The following AIRE variants were observed in gnomAD, a reference collection of about 807,000 sequenced individuals.
AIRE encodes autoimmune regulator, also known as autoimmune polyendocrinopathy candidiasis ectodermal dystrophy protein.
Under a neutral mutation model 62.1 loss-of-function variants are expected in AIRE, and 52 were observed. The observed-to-expected ratio is 0.84, with a 90% confidence interval of 0.67 to 1.06. The LOEUF (loss-of-function observed/expected upper bound fraction) is 1.06. Ranked by LOEUF, AIRE falls within the 50% of genes least tolerant of loss-of-function variation. AIRE has a pLI of 0.00. For missense variants in AIRE, 774 were observed against 755.8 expected (o/e 1.02, Z -0.28); for synonymous variants, 342 against 321.6 (o/e 1.06, Z -0.68).
rs139969357 is a variant in AIRE, at chr21:44,288,571, C to T, written c.652+113C>T. The T allele has an allele frequency of 5.3e-6, 4 of 755,758 alleles. No individual in the cohort carries two copies. The South Asian group carries it at 7.0e-5, about 13-fold the overall frequency. The allele number at this position is 755,758 out of a possible 1,614,324, so 46.8% of individuals were successfully genotyped here. A position where few individuals can be genotyped will look rare whatever the true frequency, so the allele number is the denominator to read the frequency against. On this transcript the variant is annotated intron_variant, in intron 5 of 13. Transcript: ENST00000291582. Reference sequence around the variant, plus strand: ...TCCCACAGCAGACCGGACTGTTGCTCAGGTAGCCAGAGTTTCTGCCTGTGG... The same window carrying T: ...TCCCACAGCAGACCGGACTGTTGCTTAGGTAGCCAGAGTTTCTGCCTGTGG...
At position 44,297,416 on chromosome 21, in the gene AIRE, C is replaced by T. The variant is rs368861261; in HGVS notation, c.1567-240C>T. 4.6e-5 allele frequency among the ~76,000 whole-genome samples: 7 copies of T among 152,108 alleles called. No individual in the cohort carries two copies. The highest frequency in any genetic ancestry group is 1.7e-4 in the African/African-American group (7 of 41,502). On this transcript the variant is annotated intron_variant, in intron 13 of 13. Transcript: ENST00000291582. The surrounding 1 kb of genome is among the most constrained non-coding windows in gnomAD (Gnocchi z 4.8). ...GGTGAAGTACACAGGACAGGGTCCTCGGTCTGGCCTGTGCCATGGGGACCT... is the reference window on the plus strand; with the variant it reads ...GGTGAAGTACACAGGACAGGGTCCTTGGTCTGGCCTGTGCCATGGGGACCT...
intron 13 of AIRE, 112 bp downstream of exon 13, chr21:44,296,557 C>A: frequency 1.9e-6 from 2 of 1,063,930 alleles, no homozygotes; most frequent in Non-Finnish European, 2.9e-6. Flanking sequence ...GCTCTTGAGC[C>A]GTGGAAACTC....
chr21:44,285,930 C>A lies in AIRE; in HGVS notation c.-77C>A, dbSNP rs150767556. On this transcript the variant is annotated 5_prime_UTR_variant, in exon 1 of 14. Coordinates refer to ENST00000291582, the MANE Select transcript of AIRE (RefSeq NM_000383.4). ...GGAGGCCCCACAGCCCCGCCGGGAC[C>A]CGAGGCCAAGCGAGGGGCTGCCAGT... The A allele has an allele frequency of 4.6e-3, 6,665 of 1,433,534 alleles. 278 individuals carry two copies. The African/African-American group carries it at 0.089, about 19-fold the overall frequency. The allele number at this position is 1,433,534 out of a possible 1,614,324, so 88.8% of individuals were successfully genotyped here. A position where few individuals can be genotyped will look rare whatever the true frequency, so the allele number is the denominator to read the frequency against.
At chr21:44,292,875 T>A in intron 9 of AIRE, 118 bp from the exon 10 acceptor site, 2 of 851,578 alleles carry the variant, frequency 2.3e-6, no homozygotes, top group Non-Finnish European at 3.9e-6. Context: ...GCCCCCACCA[T>A]GCCAGGCCTC....
At position 44,297,910 on chromosome 21, in the gene AIRE, C is replaced by T. The variant is rs184848378; in HGVS notation, c.*183C>T. 41 of 649,070 alleles carry T rather than the reference C, an allele frequency of 6.3e-5. No homozygotes were observed. The East Asian group carries it at 1.1e-3, about 17-fold the overall frequency. 40.2% of individuals were successfully genotyped at this position (649,070 alleles called of 1,614,324 possible). On this transcript the variant is annotated 3_prime_UTR_variant, in exon 14 of 14. Transcript: ENST00000291582. This position sits in a 1 kb window ranked among gnomAD's most constrained non-coding sequence, Gnocchi z 4.8. ...GCCATCATGTGCCTGGAAATTAAAC[C>T]CTGCCCCACTTCTCTACTCTGGAAG... is the stretch of plus-strand genomic sequence containing the variant.
Position 44,296,367 on chromosome 21 carries a change from C to A in AIRE, c.1504-16C>A. On this transcript the variant is annotated splice_polypyrimidine_tract_variant and intron_variant, in intron 12 of 13. Transcript: ENST00000291582. ...TGTGGGAGTTGGGCTGACCTCTTCT[C>A]TTTACTGGGTTCCAGGATGACACTG... 1 of 1,611,186 alleles carries A rather than the reference C, an allele frequency of 6.2e-7. No homozygotes were observed. Among genetic ancestry groups the A allele is most frequent in the Non-Finnish European group, 8.5e-7 (1 of 1,178,586 alleles).
At chr21:44,291,603 C>T (rs1036620905) in intron 8 of AIRE, among the ~76,000 whole-genome samples, 1 of 152,174 alleles carries the variant, frequency 6.6e-6, no homozygotes, top group African/African-American at 2.4e-5. Flanking sequence ...AGCTGTGCCC[C>T]CCAGGGCAGG....
At chr21:44,293,277 A>G in intron 10 of AIRE, 102 bp downstream of exon 10, 1 of 1,173,800 alleles carries the variant, frequency 8.5e-7, no homozygotes, top group Non-Finnish European at 1.1e-6. Context: ...CCAGGCGAGA[A>G]AGGCTCCGGG....
chr21:44,286,002 A>G lies in AIRE; in HGVS notation c.-5A>G. ...GCCCCAGCCCCGGGTCCCCGCGCCC[A>G]CCCCATGGCGACGGACGCGGCGCTA... On this transcript the variant is annotated 5_prime_UTR_variant, in exon 1 of 14. Transcript: ENST00000291582. The surrounding 1 kb of genome is among the most constrained non-coding windows in gnomAD (Gnocchi z 6.0). 1 of 1,527,822 alleles carries G rather than the reference A, an allele frequency of 6.5e-7. No homozygotes were observed. The highest frequency in any genetic ancestry group is 8.8e-7 in the Non-Finnish European group (1 of 1,142,472). The allele number at this position is 1,527,822 out of a possible 1,614,324, so 94.6% of individuals were successfully genotyped here.
At position 44,286,616 on chromosome 21, in the gene AIRE, C is replaced by A. The variant is rs2040484898; in HGVS notation, c.192C>A (p.Ser64=). 6.2e-7 allele frequency: 1 copy of A among 1,612,822 alleles called. No homozygotes were observed. The highest frequency in any genetic ancestry group is 8.5e-7 in the Non-Finnish European group (1 of 1,179,968). Residue 64 remains serine, a synonymous_variant, in exon 2 of 14, where the codon TCC becomes TCA. Transcript: ENST00000291582. This position sits in a 1 kb window ranked among gnomAD's most constrained non-coding sequence, Gnocchi z 6.0. ...CCCAGGCCTTCCACGCCCTCCTGTC[C>A]TGGCTGCTGACCCAGGACTCCACAG... ...GCPQAFHALL[S]WLLTQDSTAI... is the part of the protein sequence containing the mutation.
chr21:44,292,906 G>A (rs1388048622), intron 9 of AIRE, 87 bp from the exon 10 acceptor site: 2 of 1,321,612 alleles, frequency 1.5e-6, no homozygotes, highest in African/African-American at 1.5e-5. Flanking sequence ...CTGCTGCCCT[G>A]GGTTTCAGGG....
Position 44,297,292 on chromosome 21 carries a change from T to C in AIRE, c.1567-364T>C, listed in dbSNP as rs1414619897. On this transcript the variant is annotated intron_variant, in intron 13 of 13. Transcript: ENST00000291582. The surrounding 1 kb of genome is among the most constrained non-coding windows in gnomAD (Gnocchi z 4.8). ...GGGAGCATCAGGCTCCTGAGCAGAA[T>C]AAGTAGCTGGCCCCGACCCCCCCAC... is the stretch of plus-strand genomic sequence containing the variant. Among the ~76,000 whole-genome samples, 1 of 152,056 alleles carries C rather than the reference T, an allele frequency of 6.6e-6. No homozygotes were observed. The highest frequency in any genetic ancestry group is 1.5e-5 in the Non-Finnish European group (1 of 67,972).
At chr21:44,289,265 TC>T in intron 5 of AIRE, 1 of 226,372 alleles carries the variant, frequency 4.4e-6, no homozygotes, top group Non-Finnish European at 8.0e-6. Flanking sequence ...TGCTCCTTGT[TC>T]CTGGGCTCAG....
chr21:44,294,426 T>C lies in AIRE; in HGVS notation c.1426T>C (p.Ser476Pro), dbSNP rs2040584363. The C allele has an allele frequency of 1.9e-6, 3 of 1,578,026 alleles. No individual in the cohort carries two copies. Among genetic ancestry groups the C allele is most frequent in the Admixed American group, 1.7e-5 (1 of 57,282 alleles). The part of the protein sequence containing the change: ...PGTGLRCRSC[S>P]GDVTPAPVEG... ...GACGGGCCTGCGCTGCAGATCCTGC[T>C]CAGGAGACGTGACCCCAGCCCCTGT... is the stretch of plus-strand genomic sequence containing the variant. The change falls in exon 12 of 14, where the codon TCA becomes CCA. Residue 476 changes from serine to proline, a missense_variant. By Grantham distance (74) the Ser-to-Pro change is moderately conservative (BLOSUM62 -1). This residue lies in a region of AIRE where 354 missense variants were observed against 296.1 expected (regional missense o/e 1.20). Coordinates refer to ENST00000291582, the MANE Select transcript of AIRE (RefSeq NM_000383.4).
At chr21:44,292,520 G>T (rs1211581210) in intron 9 of AIRE, 119 bp downstream of exon 9, 2 of 709,698 alleles carry the variant, frequency 2.8e-6, no homozygotes, top group Non-Finnish European at 2.4e-6. Flanking sequence ...GGACAGGACT[G>T]CCCCAGCCAT....
chr21:44,293,945 C>A, intron 11 of AIRE, 35 bp downstream of exon 11: 2 of 1,593,802 alleles, frequency 1.3e-6, no homozygotes, highest in Non-Finnish European at 1.7e-6. Context: ...GGCCTGAACC[C>A]ACACCCACAC....
chr21:44,296,125 C>T (rs1002434654), intron 12 of AIRE, among the ~76,000 whole-genome samples: 9 of 152,298 alleles, frequency 5.9e-5, no homozygotes, highest in African/African-American at 1.2e-4. Flanking sequence ...TGAGCTCCCT[C>T]GTTTTCCCCA....
At chr21:44,293,735 T>A in intron 10 of AIRE, 54 bp from the exon 11 acceptor site, 1 of 1,594,062 alleles carries the variant, frequency 6.3e-7, no homozygotes. Flanking sequence ...GGGTTCGGGT[T>A]CAGCTACATT....
intron 12 of AIRE, 99 bp from the exon 13 acceptor site, chr21:44,296,284 G>A: frequency 9.3e-7 from 1 of 1,079,510 alleles, no homozygotes; most frequent in Non-Finnish European, 1.4e-6. Context: ...CCATCTCAGT[G>A]TGGGGGAAAC....
Sources: allele counts gnomAD v4.1 joint callset (sites outside exome capture counted in the v4.1 genomes callset), GRCh38; gene constraint gnomAD v4.1.1; regional missense constraint gnomAD v4.1.1; non-coding constraint Gnocchi (gnomAD v3.1); transcripts MANE v1.5; gene names NCBI Gene and HGNC (gene_info 2026-07-23, HGNC 2026-07-21).